The following PKNOX2 variants were observed in gnomAD, a reference collection of about 807,000 sequenced individuals.
The protein encoded by PKNOX2 is homeobox protein PKNOX2.
Under a neutral mutation model 53.1 loss-of-function variants are expected in PKNOX2, and 14 were observed. The observed-to-expected ratio is 0.26, with a 90% CI of 0.17 to 0.41. The LOEUF is 0.41. PKNOX2 is among the 10% of genes least tolerant of loss of function. The pLI is 1.00. For synonymous variants in PKNOX2, 257 were observed against 242.8 expected (o/e 1.06, Z -0.54); for missense variants, 496 against 602.8 (o/e 0.82, Z 1.85).
At chr11:125,251,226 T>G (rs765136122) in intron 2 of PKNOX2, among the ~76,000 whole-genome samples, 1 of 152,248 alleles carries the variant, frequency 6.6e-6, no homozygotes, top group Non-Finnish European at 1.5e-5. Context: ...CCATCCCTCC[T>G]GGAAGCTTAT....
chr11:125,380,412 G>A (rs1251457169), intron 5 of PKNOX2, among the ~76,000 whole-genome samples: 4 of 152,234 alleles, frequency 2.6e-5, no homozygotes, highest in South Asian at 2.1e-4. Flanking sequence ...GGGGGCGGTC[G>A]GGAGGGAGGC....
At chr11:125,429,224 C>T (rs570079884) in intron 11 of PKNOX2, 136 bp downstream of exon 11, 4 of 831,552 alleles carry the variant, frequency 4.8e-6, no homozygotes, top group African/African-American at 1.7e-5. Context: ...CCAGTCCCCC[C>T]ATTTAGGCTA....
intron 2 of PKNOX2, among the ~76,000 whole-genome samples, chr11:125,291,301 G>C (rs1947288891): frequency 6.6e-6 from 1 of 152,106 alleles, no homozygotes; most frequent in Non-Finnish European, 1.5e-5. Context: ...ATGGGGAGTG[G>C]TATGGAAAGC....
chr11:125,318,988 T>C (rs960831337), intron 2 of PKNOX2, among the ~76,000 whole-genome samples: 4 of 152,220 alleles, frequency 2.6e-5, no homozygotes, highest in African/African-American at 4.8e-5. Flanking sequence ...GAATTGTGAG[T>C]TGGTTAAACT....
chr11:125,430,370 C>T (rs2135705278), intron 12 of PKNOX2, among the ~76,000 whole-genome samples: 1 of 152,302 alleles, frequency 6.6e-6, no homozygotes, highest in African/African-American at 2.4e-5. Context: ...GGTGGTCACG[C>T]AAGTCAGTGA....
intron 2 of PKNOX2, among the ~76,000 whole-genome samples, chr11:125,256,865 C>G (rs1944441876): frequency 6.6e-6 from 1 of 152,210 alleles, no homozygotes; most frequent in African/African-American, 2.4e-5. Flanking sequence ...GCAGCCGCCT[C>G]TGTCTCGGCT....
intron 3 of PKNOX2, among the ~76,000 whole-genome samples, chr11:125,337,102 G>A (rs929943330): frequency 3.9e-5 from 6 of 152,066 alleles, no homozygotes; most frequent in Non-Finnish European, 8.8e-5. Context: ...CATTGCTGTA[G>A]TTTACCTCTG....
intron 1 of PKNOX2, among the ~76,000 whole-genome samples, chr11:125,222,635 A>ATGTG (rs1200116353): frequency 0.011 from 1,339 of 126,852 alleles, 23 homozygotes; most frequent in African/African-American, 0.04. Context: ...GTGTGTGTGT[A>ATGTG]TGTGTGTGCG....
At chr11:125,196,013 T>C (rs557630796) in intron 1 of PKNOX2, among the ~76,000 whole-genome samples, 1 of 152,042 alleles carries the variant, frequency 6.6e-6, no homozygotes, top group African/African-American at 2.4e-5. Flanking sequence ...ACCACTTAGG[T>C]GGCCTCTGGG....
chr11:125,303,152 C>A (rs1948190258), intron 2 of PKNOX2, among the ~76,000 whole-genome samples: 1 of 152,252 alleles, frequency 6.6e-6, no homozygotes, highest in Admixed American at 6.5e-5. Context: ...AAAACCTGAC[C>A]TGCAGCTGGG....
intron 2 of PKNOX2, among the ~76,000 whole-genome samples, chr11:125,236,319 G>C (rs1204852246): frequency 6.8e-6 from 1 of 148,142 alleles, no homozygotes; most frequent in Admixed American, 6.8e-5. Context: ...GGATCTCCAG[G>C]CTGGGGTGTT....
chr11:125,253,946 G>T (rs1160707322), intron 2 of PKNOX2, among the ~76,000 whole-genome samples: 10 of 152,100 alleles, frequency 6.6e-5, no homozygotes, highest in African/African-American at 2.4e-4. Context: ...AAATGTGGGG[G>T]TTGGGATAAG....
At position 125,228,714 on chromosome 11, in the gene PKNOX2, G is replaced by C. The variant is rs146441255; in HGVS notation, c.-200-6331G>C. 3.9e-3 allele frequency among the ~76,000 whole-genome samples: 595 copies of C among 152,292 alleles called. 3 individuals are homozygous for C. Among genetic ancestry groups the C allele is most frequent in the African/African-American group, 0.013 (559 of 41,558 alleles). On this transcript the variant is annotated intron_variant, in intron 1 of 12. Coordinates refer to ENST00000298282, the MANE Select transcript of PKNOX2 (RefSeq NM_001382323.2). ...CATAGAGAGAAAAAACCCTCGGTTGGTATTCCATTATTCTATTAGAGTTTC... is the reference window on the plus strand; with the variant it reads ...CATAGAGAGAAAAAACCCTCGGTTGCTATTCCATTATTCTATTAGAGTTTC...
intron 6 of PKNOX2, among the ~76,000 whole-genome samples, chr11:125,391,445 T>A (rs1302479916): frequency 1.3e-5 from 2 of 152,186 alleles, no homozygotes; most frequent in African/African-American, 4.8e-5. Flanking sequence ...CACAGTGGTA[T>A]GAGGAATTGA....
chr11:125,296,498 C>T (rs1040565744), intron 2 of PKNOX2, among the ~76,000 whole-genome samples: 5 of 152,288 alleles, frequency 3.3e-5, no homozygotes, highest in Admixed American at 1.3e-4. Flanking sequence ...TCATCAAGGT[C>T]ACCTGACGAC....
intron 4 of PKNOX2, among the ~76,000 whole-genome samples, chr11:125,359,627 T>C (rs570584936): frequency 6.6e-6 from 1 of 152,314 alleles, no homozygotes; most frequent in Admixed American, 6.5e-5. Flanking sequence ...CCCTGACCTC[T>C]TCCCGGGTCC....
At chr11:125,424,923 A>G (rs978137168) in intron 10 of PKNOX2, among the ~76,000 whole-genome samples, 3 of 152,216 alleles carry the variant, frequency 2.0e-5, no homozygotes, top group African/African-American at 7.2e-5. Flanking sequence ...TTATGGGGCT[A>G]TAAAGGGAGG....
intron 5 of PKNOX2, among the ~76,000 whole-genome samples, chr11:125,369,693 G>A (rs1952419391): frequency 6.6e-6 from 1 of 152,194 alleles, no homozygotes; most frequent in Non-Finnish European, 1.5e-5. Context: ...GGACCTTCCA[G>A]GACCAGCCAG....
intron 2 of PKNOX2, among the ~76,000 whole-genome samples, chr11:125,305,224 C>T (rs1001214975): frequency 2.0e-5 from 3 of 152,166 alleles, no homozygotes; most frequent in African/African-American, 4.8e-5. Flanking sequence ...CCGGCTTCAG[C>T]CTTTTACAGT....
Sources: allele counts gnomAD v4.1 joint callset (sites outside exome capture counted in the v4.1 genomes callset), GRCh38; gene constraint gnomAD v4.1.1; transcripts MANE v1.5; gene names NCBI Gene and HGNC (gene_info 2026-07-23, HGNC 2026-07-21).